MDGA2: variants seen among roughly 807,000 people sequenced by gnomAD.
The protein encoded by MDGA2 is MAM domain-containing glycosylphosphatidylinositol anchor protein 2.
In MDGA2, 40 loss-of-function variants were observed where a neutral mutation model predicts 117.8. The ratio of observed to expected loss-of-function variants is 0.34; its 90% confidence interval spans 0.26 to 0.44. The LOEUF (loss-of-function observed/expected upper bound fraction) is 0.44. Among genes scored for constraint, MDGA2 ranks in the 20% least tolerant of loss-of-function variants. The pLI, the probability that MDGA2 is intolerant of heterozygous loss-of-function variation, is 1.00. For missense variants in MDGA2, 1,123 were observed against 1,250.6 expected (o/e 0.90, Z 1.54); for synonymous variants, 452 against 439.0 (o/e 1.03, Z -0.37).
intron 8 of MDGA2, among the ~76,000 whole-genome samples, chr14:46,974,666 T>G (rs1886389826): frequency 6.6e-6 from 1 of 152,186 alleles, no homozygotes; most frequent in Non-Finnish European, 1.5e-5. Flanking sequence ...GAAAACTGGA[T>G]ATTCACATGC....
rs975521683 is a variant in MDGA2, at chr14:46,884,856, GT to G, written c.2239-2636del. Among the ~76,000 whole-genome samples, 5 of 122,488 alleles carry G rather than the reference GT, an allele frequency of 4.1e-5. No individual in the cohort carries two copies. The highest frequency in any genetic ancestry group is 8.2e-5 in the Admixed American group (1 of 12,212). 80.4% of individuals were successfully genotyped at this position (122,488 alleles called of 152,430 possible). On this transcript the variant is annotated intron_variant, in intron 10 of 16. Transcript: ENST00000399232. This position sits in a 1 kb window ranked among gnomAD's most constrained non-coding sequence, Gnocchi z 4.1. ...CAGGTAATACATTACTTTCTTTTTT[GT>G]TTTTTTTCTGAGACAGTCTCGCTCT...
At chr14:47,061,614 C>A (rs1175844715) in intron 6 of MDGA2, 36 bp from the exon 7 acceptor site, 1 of 1,510,480 alleles carries the variant, frequency 6.6e-7, no homozygotes, top group Non-Finnish European at 9.0e-7. Context: ...GTTAGTGTTA[C>A]TTTCATAACT....
Position 47,609,428 on chromosome 14 carries a change from C to CACATATATATATATATAT in MDGA2, c.280+65088_280+65089insATATATATATATATATGT, listed in dbSNP as rs1477357010. The stretch of plus-strand genomic sequence containing the variant: ...TTTCTATGGCTGAGTAGTATTCCAT[C>CACATATATATATATATAT]ATATATATATATATATATATATATA... On this transcript the variant is annotated intron_variant, in intron 1 of 16. Coordinates refer to ENST00000399232, the MANE Select transcript of MDGA2 (RefSeq NM_001113498.3). 3.2e-3 allele frequency among the ~76,000 whole-genome samples: 56 copies of CACATATATATATATATAT among 17,566 alleles called. 3 individuals carry two copies. Among genetic ancestry groups the CACATATATATATATATAT allele is most frequent in the Non-Finnish European group, 5.3e-3 (38 of 7,202 alleles). 11.5% of individuals were successfully genotyped at this position (17,566 alleles called of 152,430 possible).
chr14:47,062,392 T>A (rs1203227605), intron 6 of MDGA2, among the ~76,000 whole-genome samples: 1 of 151,912 alleles, frequency 6.6e-6, no homozygotes, highest in Non-Finnish European at 1.5e-5. Flanking sequence ...CAAGGGAGCA[T>A]CTATAGACTT....
chr14:47,004,339 T>A (rs2138503884), intron 8 of MDGA2, among the ~76,000 whole-genome samples: 1 of 151,988 alleles, frequency 6.6e-6, no homozygotes, highest in African/African-American at 2.4e-5. Flanking sequence ...AACACTATCC[T>A]TTCTCAGCTA....
At chr14:47,310,470 A>G (rs1245621225) in intron 1 of MDGA2, among the ~76,000 whole-genome samples, 1 of 152,092 alleles carries the variant, frequency 6.6e-6, no homozygotes, top group African/African-American at 2.4e-5. Context: ...AATCCATCAA[A>G]TATCTAACTA....
chr14:46,984,994 T>C (rs1886810874), intron 8 of MDGA2, among the ~76,000 whole-genome samples: 2 of 152,030 alleles, frequency 1.3e-5, no homozygotes, highest in South Asian at 4.1e-4. Flanking sequence ...ATTTTTTTCA[T>C]ATTCATTTTC....
At chr14:46,922,983 C>T (rs924206549) in intron 9 of MDGA2, among the ~76,000 whole-genome samples, 4 of 152,168 alleles carry the variant, frequency 2.6e-5, no homozygotes, top group African/African-American at 9.7e-5. Flanking sequence ...GGATAACTGG[C>T]TGCATGCCAT....
chr14:47,387,213 G>C lies in MDGA2; in HGVS notation c.281-85663C>G, dbSNP rs565885818. 1.8e-4 allele frequency among the ~76,000 whole-genome samples: 27 copies of C among 152,126 alleles called. No homozygotes were observed. The South Asian group carries it at 4.6e-3, about 26-fold the overall frequency. ...ATTTCAAAATTTCATAGGCCAAATC[G>C]GTTCTACAATCAGCATCCTTTCTTC... On this transcript the variant is annotated intron_variant, in intron 1 of 16. Transcript: ENST00000399232.
chr14:47,667,373 C>T (rs978055083), intron 1 of MDGA2, among the ~76,000 whole-genome samples: 2 of 152,182 alleles, frequency 1.3e-5, no homozygotes, highest in Non-Finnish European at 2.9e-5. Flanking sequence ...TGTACCCAAC[C>T]TTTCCTTGTG....
intron 3 of MDGA2, among the ~76,000 whole-genome samples, chr14:47,145,970 A>G (rs1415271186): frequency 6.6e-6 from 1 of 152,100 alleles, no homozygotes; most frequent in Non-Finnish European, 1.5e-5. Context: ...TGTCCAGACT[A>G]TCAAATGCTT....
At chr14:46,975,597 G>C (rs1886425352) in intron 8 of MDGA2, among the ~76,000 whole-genome samples, 2 of 152,028 alleles carry the variant, frequency 1.3e-5, no homozygotes, top group South Asian at 4.1e-4. Flanking sequence ...GTAACAAAAA[G>C]ACAAATACTT....
chr14:47,588,843 T>A (rs767430964), intron 1 of MDGA2, among the ~76,000 whole-genome samples: 14 of 151,908 alleles, frequency 9.2e-5, no homozygotes, highest in Non-Finnish European at 1.5e-4. Flanking sequence ...CTAGGCAAAA[T>A]GGATCTCACT....
chr14:47,120,514 C>T (rs1881592965), intron 5 of MDGA2, among the ~76,000 whole-genome samples: 1 of 152,040 alleles, frequency 6.6e-6, no homozygotes, highest in Non-Finnish European at 1.5e-5. Context: ...ACTAGACATA[C>T]CTATTTTCTT....
chr14:47,479,290 T>A (rs1267932856), intron 1 of MDGA2, among the ~76,000 whole-genome samples: 1 of 152,126 alleles, frequency 6.6e-6, no homozygotes, highest in Non-Finnish European at 1.5e-5. Context: ...ATACTTTTAA[T>A]GCTATTGTCC....
chr14:47,000,391 T>G (rs1280448559), intron 8 of MDGA2, among the ~76,000 whole-genome samples: 4 of 32,830 alleles, frequency 1.2e-4, no homozygotes, highest in Non-Finnish European at 2.3e-4. Flanking sequence ...ATATATATAT[T>G]TATATATAAA....
chr14:47,343,241 C>A (rs375377211), intron 1 of MDGA2: 3 of 1,136,984 alleles, frequency 2.6e-6, no homozygotes, highest in South Asian at 1.8e-5. Context: ...TTTTCAGGAA[C>A]GATTATCGAA....
chr14:47,343,973 A>G (rs1333233185), intron 1 of MDGA2, among the ~76,000 whole-genome samples: 5 of 152,292 alleles, frequency 3.3e-5, no homozygotes, highest in Non-Finnish European at 7.4e-5. Flanking sequence ...CTCTTGGAAA[A>G]GAGTGTATAC....
intron 1 of MDGA2, among the ~76,000 whole-genome samples, chr14:47,474,753 T>C (rs556897849): frequency 6.6e-6 from 1 of 152,296 alleles, no homozygotes; most frequent in East Asian, 1.9e-4. Flanking sequence ...CCCTACTTAA[T>C]ATATGGTGCT....
Sources: gnomAD v4.1 joint callset for allele counts (sites outside exome capture counted in the v4.1 genomes callset) on GRCh38, gnomAD v4.1.1 for gene constraint, Gnocchi (gnomAD v3.1) non-coding constraint, MANE v1.5 for transcripts, NCBI Gene and HGNC (gene_info 2026-07-23, HGNC 2026-07-21) for gene names.